Variants in DRD2 observed in about 807,000 individuals in gnomAD.
DRD2 encodes D(2) dopamine receptor.
In DRD2, 8 loss-of-function variants were observed where a neutral mutation model predicts 38.0. The ratio of observed to expected loss-of-function variants is 0.21; its 90% CI spans 0.12 to 0.38. The LOEUF (loss-of-function observed/expected upper bound fraction) is 0.38. Ranked by LOEUF, DRD2 falls within the 10% of genes least tolerant of loss-of-function variation. The probability of loss-of-function intolerance (pLI) is 1.00; values close to 1 mark genes in which losing one functional copy is unlikely to be tolerated. For missense variants in DRD2, 403 were observed against 607.7 expected (o/e 0.66, Z 3.54); for synonymous variants, 230 against 238.6 (o/e 0.96, Z 0.33).
intron 1 of DRD2, among the ~76,000 whole-genome samples, chr11:113,470,096 T>A (rs867624962): frequency 6.6e-6 from 1 of 152,156 alleles, no homozygotes; most frequent in Admixed American, 6.5e-5. Context: ...CACTTTCCCA[T>A]ATCAAGAGTT....
intron 6 of DRD2, 84 bp from the exon 7 acceptor site, chr11:113,412,967 C>T (rs971043717): frequency 6.9e-7 from 1 of 1,441,742 alleles, no homozygotes; most frequent in Non-Finnish European, 9.4e-7. Flanking sequence ...CTCCCTTTCC[C>T]CCTCTGAAGA....
chr11:113,410,691 G>A lies in DRD2; in HGVS notation c.*36C>T, dbSNP rs1351348734. The A allele has an allele frequency of 8.7e-6, 14 of 1,613,382 alleles. No homozygotes were observed. The highest frequency in any genetic ancestry group is 1.7e-5 in the Admixed American group (1 of 60,012). On this transcript the variant is annotated 3_prime_UTR_variant, in exon 8 of 8. Transcript: ENST00000362072. ...GAGGCTGGCCGGCCTGGGCAGGGAGGTGGGAAGCAGGCTGCTGTGCGGGCA... is the reference window on the plus strand; with the variant it reads ...GAGGCTGGCCGGCCTGGGCAGGGAGATGGGAAGCAGGCTGCTGTGCGGGCA...
chr11:113,425,884 G>A lies in DRD2; in HGVS notation c.-31-1202C>T, dbSNP rs372686700. Among the ~76,000 whole-genome samples, 150 of 152,132 alleles carry A rather than the reference G, an allele frequency of 9.9e-4. 5 individuals are homozygous for A. The South Asian group carries it at 0.028, about 29-fold the overall frequency. On this transcript the variant is annotated intron_variant, in intron 1 of 7. Transcript: ENST00000362072. ...CAATTCTGTTTGGCCAAAAATGTAG[G>A]GTATGGCAGTAACGTTGAGGATAAT...
intron 1 of DRD2, among the ~76,000 whole-genome samples, chr11:113,452,117 G>A (rs1285085621): frequency 1.3e-5 from 2 of 152,002 alleles, no homozygotes; most frequent in Non-Finnish European, 2.9e-5. Context: ...CGTCAAGTTC[G>A]GCCGTTGTGG....
intron 2 of DRD2, among the ~76,000 whole-genome samples, chr11:113,423,439 C>A (rs1240736264): frequency 1.3e-5 from 2 of 152,126 alleles, no homozygotes; most frequent in African/African-American, 4.8e-5. Flanking sequence ...CCACACCTGG[C>A]TAATTGTTGC....
chr11:113,436,771 G>T (rs1951042920), intron 1 of DRD2, among the ~76,000 whole-genome samples: 1 of 152,104 alleles, frequency 6.6e-6, no homozygotes. Flanking sequence ...TATCTAATCT[G>T]CTCCTTAACC....
At chr11:113,412,507 T>C in intron 7 of DRD2, 49 bp downstream of exon 7, 1 of 1,601,086 alleles carries the variant, frequency 6.2e-7, no homozygotes, top group Non-Finnish European at 8.5e-7. Flanking sequence ...TGGCAGGGAA[T>C]GGGACCTTTC....
At chr11:113,442,338 C>T (rs922042651) in intron 1 of DRD2, among the ~76,000 whole-genome samples, 1 of 152,136 alleles carries the variant, frequency 6.6e-6, no homozygotes, top group Admixed American at 6.5e-5. Context: ...AGTTTGTGCC[C>T]CGTGTTTTAT....
chr11:113,412,816 G>T lies in DRD2; in HGVS notation c.878C>A (p.Thr293Asn). 1 of 1,613,564 alleles carries T rather than the reference G, an allele frequency of 6.2e-7. No individual in the cohort carries two copies. Among genetic ancestry groups the T allele is most frequent in the Non-Finnish European group, 8.5e-7 (1 of 1,179,834 alleles). The change falls in exon 7 of 8, where the codon ACC becomes AAC. Residue 293 changes from threonine (T) to asparagine (N), a missense_variant. Physicochemically the swap from Thr to Asn is moderately conservative, Grantham distance 65. Around this residue, in one of 4 missense-constraint regions of DRD2, gnomAD observed 166 missense variants for 178.6 expected, o/e 0.93. Transcript: ENST00000362072. ...MLSSTSPPER[T>N]RYSPIPPSHH... ...GCTGGGTGGGATGGGGCTGTACCGG[G>T]TCCTCTCGGGTGGGCTGGTGCTGGA... is the stretch of plus-strand genomic sequence containing the variant.
At chr11:113,449,464 T>C (rs1217499144) in intron 1 of DRD2, among the ~76,000 whole-genome samples, 1 of 152,054 alleles carries the variant, frequency 6.6e-6, no homozygotes, top group Non-Finnish European at 1.5e-5. Context: ...CAAGCACCTG[T>C]GCTACACAAG....
intron 2 of DRD2, among the ~76,000 whole-genome samples, chr11:113,422,972 T>C (rs1950900391): frequency 6.6e-6 from 1 of 152,164 alleles, no homozygotes; most frequent in Non-Finnish European, 1.5e-5. Flanking sequence ...AACGGTTCAG[T>C]GGGCAGAGCA....
intron 1 of DRD2, among the ~76,000 whole-genome samples, chr11:113,447,167 G>A (rs532991532): frequency 9.9e-5 from 15 of 152,242 alleles, no homozygotes; most frequent in Admixed American, 4.6e-4. Flanking sequence ...CACCCTCCCC[G>A]GGGCCTGGGG....
At chr11:113,455,704 G>A (rs969567100) in intron 1 of DRD2, among the ~76,000 whole-genome samples, 25 of 152,220 alleles carry the variant, frequency 1.6e-4, no homozygotes, top group African/African-American at 2.4e-4. Context: ...ATCACTATTC[G>A]TCAGGGAGAT....
chr11:113,422,497 G>A (rs1033529999), intron 2 of DRD2, among the ~76,000 whole-genome samples: 15 of 152,222 alleles, frequency 9.9e-5, no homozygotes, highest in Admixed American at 7.9e-4. Context: ...GGAAGAAGGA[G>A]GGGATCAAGC....
chr11:113,432,998 G>T (rs1001246567), intron 1 of DRD2, among the ~76,000 whole-genome samples: 1 of 152,216 alleles, frequency 6.6e-6, no homozygotes, highest in Non-Finnish European at 1.5e-5. Context: ...AGGCCAGGCG[G>T]CTGCAGACCT....
chr11:113,429,965 A>T (rs1353718391), intron 1 of DRD2, among the ~76,000 whole-genome samples: 1 of 152,250 alleles, frequency 6.6e-6, no homozygotes, highest in Non-Finnish European at 1.5e-5. Context: ...AAATCAAACC[A>T]AGCAAAAGAA....
At chr11:113,427,324 G>C (rs1950949374) in intron 1 of DRD2, among the ~76,000 whole-genome samples, 2 of 151,986 alleles carry the variant, frequency 1.3e-5, no homozygotes, top group South Asian at 4.2e-4. Flanking sequence ...GTCTTGCCTA[G>C]AATCCTCCTG....
At chr11:113,427,427 C>T (rs1950950345) in intron 1 of DRD2, among the ~76,000 whole-genome samples, 1 of 152,140 alleles carries the variant, frequency 6.6e-6, no homozygotes, top group South Asian at 2.1e-4. Context: ...CTGCAGGAGA[C>T]ACCTGTTTAG....
intron 1 of DRD2, among the ~76,000 whole-genome samples, chr11:113,428,256 C>T (rs1055651981): frequency 6.6e-6 from 1 of 152,178 alleles, no homozygotes; most frequent in African/African-American, 2.4e-5. Context: ...AGTGAGGAAG[C>T]AGGACAGGCC....
Sources: allele counts gnomAD v4.1 joint callset (sites outside exome capture counted in the v4.1 genomes callset), GRCh38; gene constraint gnomAD v4.1.1; regional missense constraint gnomAD v4.1.1; transcripts MANE v1.5; gene names NCBI Gene and HGNC (gene_info 2026-07-23, HGNC 2026-07-21).